Variants in GRIK5 observed in about 807,000 individuals in gnomAD.
The protein encoded by GRIK5 is glutamate receptor ionotropic, kainate 5.
A neutral mutation model predicts 97.4 loss-of-function variants in GRIK5; 43 were observed. That is an observed-to-expected ratio of 0.44 (90% CI 0.35 to 0.57). The LOEUF is 0.57. Among genes scored for constraint, GRIK5 ranks in the 20% least tolerant of loss-of-function variants. The pLI is 0.01. For synonymous variants in GRIK5, 580 were observed against 583.5 expected (o/e 0.99, Z 0.09); for missense variants, 1,015 against 1,382.0 (o/e 0.73, Z 4.21).
chr19:42,051,355 T>A (rs2076114658), intron 11 of GRIK5, among the ~76,000 whole-genome samples: 1 of 151,994 alleles, frequency 6.6e-6, no homozygotes, highest in Non-Finnish European at 1.5e-5. Flanking sequence ...CTGCACCCCA[T>A]CACCAGAGGC....
intron 12 of GRIK5, among the ~76,000 whole-genome samples, chr19:42,025,707 G>A (rs539975170): frequency 3.3e-5 from 5 of 152,082 alleles, no homozygotes; most frequent in South Asian, 4.2e-4. Context: ...GCCCACACCC[G>A]CCCAGGCCAC....
chr19:42,043,383 G>A (rs2076003083), intron 11 of GRIK5, among the ~76,000 whole-genome samples: 1 of 150,440 alleles, frequency 6.6e-6, no homozygotes, highest in Non-Finnish European at 1.5e-5. Context: ...GCAGGCTGAA[G>A]ATGACAGATG....
rs748897244 is a variant in GRIK5, at chr19:42,062,622, G to A, written c.374C>T (p.Thr125Ile). The change falls in exon 5 of 20, where the codon ACA becomes ATA. Residue 125 changes from threonine (T) to isoleucine (I), a missense_variant. Thr to Ile is a moderately conservative substitution (Grantham distance 89). Transcript: ENST00000593562. The surrounding 1 kb of genome is among the most constrained non-coding windows in gnomAD (Gnocchi z 5.3). ...GAAGCGAAGGTACTGAAGGCGGGGTGTCTCCTCGGGACCCACCTTGATGTG... is the reference window on the plus strand; with the variant it reads ...GAAGCGAAGGTACTGAAGGCGGGGTATCTCCTCGGGACCCACCTTGATGTG... ...IPHIKVGPEETPRLQYLRFAS... is the reference protein window; with the variant it reads ...IPHIKVGPEEIPRLQYLRFAS... The A allele has an allele frequency of 1.2e-6, 2 of 1,614,170 alleles. No individual in the cohort carries two copies. The highest frequency in any genetic ancestry group is 1.7e-5 in the Admixed American group (1 of 60,032).
rs75522344 is a variant in GRIK5, at chr19:42,066,133, G to A, written c.-50-313C>T. ...GCGTGCGAGGTTCTCAGGTAGGAGT[G>A]AATTCCTGGGACCAGCCCCACCCAA... On this transcript the variant is annotated intron_variant, in intron 1 of 19. Transcript: ENST00000593562. Among the ~76,000 whole-genome samples, 273 of 152,202 alleles carry A rather than the reference G, an allele frequency of 1.8e-3. 10 individuals carry two copies. The East Asian group carries it at 0.047, about 26-fold the overall frequency.
intron 11 of GRIK5, among the ~76,000 whole-genome samples, chr19:42,051,369 C>T (rs1203311491): frequency 2.6e-5 from 4 of 152,196 alleles, no homozygotes; most frequent in African/African-American, 7.2e-5. Context: ...CAGAGGCCCT[C>T]GCTCCCACAC....
At chr19:42,009,767 C>CAAA (rs1171061442) in intron 15 of GRIK5, among the ~76,000 whole-genome samples, 1 of 63,200 alleles carries the variant, frequency 1.6e-5, no homozygotes, top group African/African-American at 6.1e-5. Context: ...GACTTTGTCT[C>CAAA]AAAAAAAAAA....
At chr19:42,005,237 CAAAAAAAAA>C (rs56825931) in intron 17 of GRIK5, among the ~76,000 whole-genome samples, 9 of 88,714 alleles carry the variant, frequency 1.0e-4, no homozygotes, top group African/African-American at 3.3e-4. Context: ...GACTCCGTCT[CAAAAAAAAA>C]AAAAAAAAAA....
chr19:42,047,545 C>A (rs975002671), intron 11 of GRIK5, among the ~76,000 whole-genome samples: 1 of 151,926 alleles, frequency 6.6e-6, no homozygotes, highest in Non-Finnish European at 1.5e-5. Context: ...GACAAACAGA[C>A]AATAGAATGG....
rs1164705091 is a variant in GRIK5 at position 42,065,187 on chromosome 19, C to T, written c.244+36G>A. The T allele has an allele frequency of 6.3e-7, 1 of 1,579,380 alleles. No homozygotes were observed. Among genetic ancestry groups the T allele is most frequent in the South Asian group, 1.1e-5 (1 of 87,846 alleles). On this transcript the variant is annotated intron_variant, in intron 3 of 19. Coordinates refer to ENST00000593562, the MANE Select transcript of GRIK5 (RefSeq NM_002088.5). The surrounding 1 kb of genome is among the most constrained non-coding windows in gnomAD (Gnocchi z 5.8). The stretch of plus-strand genomic sequence containing the variant: ...GGATGGACTGAGGGCCACCGACCTG[C>T]CCTGCCTCACCCCACGCCCCCATGG...
At chr19:42,041,719 T>C (rs2075979657) in intron 12 of GRIK5, among the ~76,000 whole-genome samples, 1 of 152,096 alleles carries the variant, frequency 6.6e-6, no homozygotes, top group Non-Finnish European at 1.5e-5. Context: ...TCCCACTCCC[T>C]AGTATCGCCC....
At position 42,006,525 on chromosome 19, in the gene GRIK5, C is replaced by T. The variant is rs915962694; in HGVS notation, c.2037+120G>A. 3.7e-5 allele frequency: 32 copies of T among 859,892 alleles called. No homozygotes were observed. In the Middle Eastern group the frequency reaches 1.3e-3, roughly 36 times the overall value. The allele number at this position is 859,892 out of a possible 1,614,324, so 53.3% of individuals were successfully genotyped here. The stretch of plus-strand genomic sequence containing the variant: ...ACATGTGTGTTTTCTGCTCCCCAGC[C>T]TCCAGGCTGTCACTGACAATCAGTC... On this transcript the variant is annotated intron_variant, in intron 16 of 19. Coordinates refer to ENST00000593562, the MANE Select transcript of GRIK5 (RefSeq NM_002088.5). This position sits in a 1 kb window ranked among gnomAD's most constrained non-coding sequence, Gnocchi z 5.3.
chr19:42,025,110 A>G (rs906588393), intron 12 of GRIK5, among the ~76,000 whole-genome samples: 6 of 152,208 alleles, frequency 3.9e-5, no homozygotes, highest in Middle Eastern at 3.4e-3. Flanking sequence ...CCAGATGCAG[A>G]GACCTCTTCT....
At chr19:42,068,898 G>A (rs969919323) in intron 1 of GRIK5, 1 of 686,152 alleles carries the variant, frequency 1.5e-6, no homozygotes, top group African/African-American at 1.8e-5. Context: ...AACAGAAAGA[G>A]CCAGTCTGGG....
intron 12 of GRIK5, among the ~76,000 whole-genome samples, chr19:42,040,930 A>G (rs913072899): frequency 2.6e-5 from 4 of 151,486 alleles, no homozygotes; most frequent in Admixed American, 6.6e-5. Flanking sequence ...TGACCTTAAA[A>G]CTCACCCTGG....
chr19:42,057,974 T>A (rs2076209346), intron 6 of GRIK5, among the ~76,000 whole-genome samples: 1 of 152,084 alleles, frequency 6.6e-6, no homozygotes, highest in South Asian at 2.1e-4. Context: ...TGGGCTCTCA[T>A]CACGTGGGTG....
At chr19:42,058,502 A>T (rs1356717637) in intron 6 of GRIK5, among the ~76,000 whole-genome samples, 2 of 150,952 alleles carry the variant, frequency 1.3e-5, no homozygotes, top group Non-Finnish European at 3.0e-5. Context: ...TTAATTAAAA[A>T]AAAAAAAAAG....
chr19:42,017,416 A>G (rs2075638142), intron 15 of GRIK5, among the ~76,000 whole-genome samples: 1 of 152,148 alleles, frequency 6.6e-6, no homozygotes, highest in African/African-American at 2.4e-5. Context: ...ATTTTTTACA[A>G]ATTATGTGTG....
At chr19:42,064,079 A>T (rs2076295450) in intron 3 of GRIK5, among the ~76,000 whole-genome samples, 2 of 152,048 alleles carry the variant, frequency 1.3e-5, no homozygotes, top group Non-Finnish European at 2.9e-5. Context: ...CTTTGTCCTC[A>T]AATTTCTCAC....
Position 42,062,629 on chromosome 19 carries a change from C to G in GRIK5, c.367G>C (p.Glu123Gln), listed in dbSNP as rs778531416. The change falls in exon 5 of 20, where the codon GAG (glutamate) becomes CAG (glutamine). Residue 123 changes from glutamate (E) to glutamine (Q), a missense_variant. Glu to Gln is a conservative substitution (Grantham distance 29, BLOSUM62 2). Coordinates refer to ENST00000593562, the MANE Select transcript of GRIK5 (RefSeq NM_002088.5). This position sits in a 1 kb window ranked among gnomAD's most constrained non-coding sequence, Gnocchi z 5.3. ...KEIPHIKVGP[E>Q]ETPRLQYLRF... ...AGGTACTGAAGGCGGGGTGTCTCCTCGGGACCCACCTTGATGTGGGGGATC... is the reference window on the plus strand; with the variant it reads ...AGGTACTGAAGGCGGGGTGTCTCCTGGGGACCCACCTTGATGTGGGGGATC... 2.5e-6 allele frequency: 4 copies of G among 1,613,990 alleles called. No individual in the cohort carries two copies. In the African/African-American group the frequency reaches 5.3e-5, roughly 22 times the overall value.
Sources: gnomAD v4.1 joint callset for allele counts (sites outside exome capture counted in the v4.1 genomes callset) on GRCh38, gnomAD v4.1.1 for gene constraint, Gnocchi (gnomAD v3.1) non-coding constraint, MANE v1.5 for transcripts, NCBI Gene and HGNC (gene_info 2026-07-23, HGNC 2026-07-21) for gene names.